The following SNX3 variants were observed in gnomAD, a reference collection of about 807,000 sequenced individuals.
SNX3 encodes sorting nexin 3, also known as sorting nexin-3.
Under a neutral mutation model 17.7 loss-of-function variants are expected in SNX3, and 5 were observed. The ratio of observed to expected loss-of-function variants is 0.28; its 90% CI spans 0.15 to 0.59. The LOEUF is 0.59. Ranked by LOEUF, SNX3 falls within the 20% of genes least tolerant of loss-of-function variation. SNX3 has a pLI of 0.88. For missense variants in SNX3, 132 were observed against 206.8 expected (o/e 0.64, Z 2.22); for synonymous variants, 91 against 76.5 (o/e 1.19, Z -0.99).
intron 1 of SNX3, 95 bp downstream of exon 1, chr6:108,260,665 G>C: frequency 7.0e-7 from 1 of 1,430,710 alleles, no homozygotes. Flanking sequence ...GGCCTGGGAG[G>C]CTGTGGCTGC....
intron 1 of SNX3, among the ~76,000 whole-genome samples, chr6:108,248,529 T>C (rs1775758138): frequency 6.6e-6 from 1 of 152,116 alleles, no homozygotes; most frequent in African/African-American, 2.4e-5. Flanking sequence ...AGAAATTTAG[T>C]TAGAAAAAAA....
intron 1 of SNX3, among the ~76,000 whole-genome samples, chr6:108,243,776 T>A (rs1775599194): frequency 6.6e-6 from 1 of 151,872 alleles, no homozygotes; most frequent in African/African-American, 2.4e-5. Context: ...CTACTGCAAA[T>A]ACAAAAACCA....
chr6:108,237,663 G>A (rs1450701629), intron 1 of SNX3, among the ~76,000 whole-genome samples: 3 of 151,990 alleles, frequency 2.0e-5, no homozygotes, highest in African/African-American at 4.8e-5. Flanking sequence ...GGTGGTGAGC[G>A]CCTGTAATCC....
At chr6:108,221,230 T>C (rs1650934154) in intron 2 of SNX3, among the ~76,000 whole-genome samples, 1 of 151,860 alleles carries the variant, frequency 6.6e-6, no homozygotes, top group South Asian at 2.1e-4. Flanking sequence ...TATATGAGAG[T>C]GGCTCCCCTG....
At chr6:108,232,122 C>T (rs1442336709) in intron 1 of SNX3, among the ~76,000 whole-genome samples, 1 of 152,086 alleles carries the variant, frequency 6.6e-6, no homozygotes, top group Non-Finnish European at 1.5e-5. Flanking sequence ...AAGAACAAGA[C>T]TAAAAACCTG....
At chr6:108,218,422 TG>T in intron 2 of SNX3, among the ~76,000 whole-genome samples, 1 of 152,294 alleles carries the variant, frequency 6.6e-6, no homozygotes, top group South Asian at 2.1e-4. Flanking sequence ...CTCACATTGC[TG>T]GTAAGAATGT....
intron 1 of SNX3, among the ~76,000 whole-genome samples, chr6:108,260,251 G>A (rs554394995): frequency 6.6e-6 from 1 of 152,128 alleles, no homozygotes; most frequent in Non-Finnish European, 1.5e-5. Context: ...TCAGGCTTCT[G>A]TGAACTTTCA....
chr6:108,234,054 G>C (rs1775249009), intron 1 of SNX3, among the ~76,000 whole-genome samples: 1 of 151,918 alleles, frequency 6.6e-6, no homozygotes, highest in Non-Finnish European at 1.5e-5. Context: ...CCTCCTCAAG[G>C]GTTATATTTA....
At chr6:108,254,585 C>T (rs1332507090) in intron 1 of SNX3, among the ~76,000 whole-genome samples, 1 of 152,058 alleles carries the variant, frequency 6.6e-6, no homozygotes, top group East Asian at 1.9e-4. Flanking sequence ...TGTAAGTGTC[C>T]ACTATGTGCC....
At chr6:108,218,127 A>G (rs1334953300) in intron 2 of SNX3, among the ~76,000 whole-genome samples, 2 of 152,208 alleles carry the variant, frequency 1.3e-5, no homozygotes, top group Non-Finnish European at 2.9e-5. Context: ...AGACTGGGAG[A>G]TATGTGCAAA....
rs1428149943 is a variant in SNX3, at chr6:108,211,280, A to C, written c.*869T>G. 6.6e-6 allele frequency: 1 copy of C among 152,250 alleles called. No homozygotes were observed. The highest frequency in any genetic ancestry group is 1.5e-5 in the Non-Finnish European group (1 of 68,046). 9.4% of individuals were successfully genotyped at this position (152,250 alleles called of 1,614,324 possible). A position where few individuals can be genotyped will look rare whatever the true frequency, so the allele number is the denominator to read the frequency against. On this transcript the variant is annotated 3_prime_UTR_variant, in exon 4 of 4. Transcript: ENST00000230085. ...TTATAAAGCAGTTTTCAAATACACA[A>C]AGTGCTTCAAAATGATTCAATAAGC... is the stretch of plus-strand genomic sequence containing the variant.
At chr6:108,221,496 C>T (rs217127) in intron 2 of SNX3, among the ~76,000 whole-genome samples, 312 of 142,892 alleles carry the variant, frequency 2.2e-3, no homozygotes, top group African/African-American at 6.9e-3. Context: ...ACATTCCAAA[C>T]GAGGAATACA....
intron 1 of SNX3, among the ~76,000 whole-genome samples, chr6:108,239,574 G>A (rs1257037713): frequency 6.6e-6 from 1 of 152,138 alleles, no homozygotes; most frequent in East Asian, 1.9e-4. Context: ...TTAATGTAGG[G>A]CAAATATTAT....
Position 108,212,859 on chromosome 6 carries a change from G to C in SNX3, c.384-605C>G, listed in dbSNP as rs571987376. ...AATTAATTTTAATGTTAAAAGTGAA[G>C]CATGTCAATTGATCCTAAGAATCTT... On this transcript the variant is annotated intron_variant, in intron 3 of 3. Coordinates refer to ENST00000230085, the MANE Select transcript of SNX3 (RefSeq NM_003795.6). Among the ~76,000 whole-genome samples the C allele has an allele frequency of 4.7e-5, 7 of 149,740 alleles. 1 individual carries two copies. In the South Asian group the frequency reaches 1.5e-3, roughly 32 times the overall value.
intron 2 of SNX3, 33 bp from the exon 3 acceptor site, chr6:108,214,655 G>T (rs369704069): frequency 1.5e-5 from 24 of 1,600,532 alleles, no homozygotes; most frequent in Non-Finnish European, 3.4e-6. Flanking sequence ...CCTTGATCAT[G>T]ATGACTGGGT....
chr6:108,236,453 G>T (rs922072275), intron 1 of SNX3, among the ~76,000 whole-genome samples: 2 of 146,168 alleles, frequency 1.4e-5, no homozygotes, highest in Admixed American at 1.4e-4. Flanking sequence ...GCGGGATCTC[G>T]GCTCACTGCA....
intron 1 of SNX3, among the ~76,000 whole-genome samples, chr6:108,237,156 C>A (rs187026683): frequency 6.6e-6 from 1 of 152,300 alleles, no homozygotes; most frequent in East Asian, 1.9e-4. Context: ...TTTCTGGCTA[C>A]TATATCTTCT....
chr6:108,246,316 T>C (rs1398955750), intron 1 of SNX3, among the ~76,000 whole-genome samples: 1 of 93,210 alleles, frequency 1.1e-5, no homozygotes, highest in Non-Finnish European at 2.1e-5. Flanking sequence ...GAGCATTCTT[T>C]TTTTTTTTTT....
At chr6:108,244,870 C>A (rs1324233225) in intron 1 of SNX3, among the ~76,000 whole-genome samples, 2 of 151,906 alleles carry the variant, frequency 1.3e-5, no homozygotes, top group African/African-American at 2.4e-5. Flanking sequence ...GAACTCCTGA[C>A]CTCAAGTAAT....
Sources: allele counts gnomAD v4.1 joint callset (sites outside exome capture counted in the v4.1 genomes callset), GRCh38; gene constraint gnomAD v4.1.1; transcripts MANE v1.5; gene names NCBI Gene and HGNC (gene_info 2026-07-23, HGNC 2026-07-21).